DLC1: variants seen among roughly 807,000 people sequenced by gnomAD.
DLC1 encodes the protein rho GTPase-activating protein 7.
DLC1 carries 54 observed loss-of-function variants against 140.3 expected under a neutral mutation model. The observed-to-expected ratio is 0.38, with a 90% confidence interval of 0.31 to 0.48. The LOEUF (loss-of-function observed/expected upper bound fraction) is 0.48. DLC1 is among the 20% of genes least tolerant of loss of function. The pLI is 0.96. For synonymous variants in DLC1, 986 were observed against 728.1 expected, an observed-to-expected ratio of 1.35 and a Z score of -5.70; for missense variants, 2,536 against 1,907.0, an observed-to-expected ratio of 1.33 and a Z score of -6.14.
intron 2 of DLC1, among the ~76,000 whole-genome samples, chr8:13,482,686 G>A (rs533339438): frequency 2.6e-5 from 4 of 152,170 alleles, no homozygotes; most frequent in African/African-American, 9.7e-5. Flanking sequence ...ATAGCCTGAC[G>A]TGATTACGCG....
At position 13,255,123 on chromosome 8, in the gene DLC1, C is replaced by T. The variant is rs1010121677; in HGVS notation, c.1348+50146G>A. ...TCCCCAGTAGCTGGGATTACAGGTG[C>T]GTGCCACCACGCCCAGCTAACTTTT... On this transcript the variant is annotated intron_variant, in intron 5 of 17. Transcript: ENST00000276297. 5.3e-5 allele frequency among the ~76,000 whole-genome samples: 8 copies of T among 151,972 alleles called. No homozygotes were observed. In the East Asian group the frequency reaches 7.8e-4, roughly 15 times the overall value.
chr8:13,127,900 C>A (rs1821720426), intron 5 of DLC1, among the ~76,000 whole-genome samples: 1 of 152,364 alleles, frequency 6.6e-6, no homozygotes, highest in East Asian at 1.9e-4. Flanking sequence ...TCTGAGGACT[C>A]AGCTTCACTG....
At chr8:13,415,905 A>G (rs1381950794) in intron 2 of DLC1, among the ~76,000 whole-genome samples, 1 of 152,162 alleles carries the variant, frequency 6.6e-6, no homozygotes, top group African/African-American at 2.4e-5. Context: ...AGTCCAACTG[A>G]TGTTCTTGTA....
intron 5 of DLC1, among the ~76,000 whole-genome samples, chr8:13,283,293 A>AAC (rs58438325): frequency 0.12 from 17,444 of 144,988 alleles, 1,020 homozygotes; most frequent in Middle Eastern, 0.18. Flanking sequence ...ATCCTACTGA[A>AAC]ACACACACAC....
intron 2 of DLC1, among the ~76,000 whole-genome samples, chr8:13,466,204 A>G (rs148599735): frequency 6.0e-4 from 92 of 152,212 alleles, no homozygotes; most frequent in Non-Finnish European, 1.0e-3. Flanking sequence ...GGGCCCCAAT[A>G]AAGGCCATCA....
intron 2 of DLC1, among the ~76,000 whole-genome samples, chr8:13,435,445 C>T (rs955948021): frequency 2.6e-5 from 4 of 152,162 alleles, no homozygotes; most frequent in African/African-American, 9.7e-5. Flanking sequence ...TCCCGAGTAG[C>T]TGGGATTACA....
chr8:13,158,096 T>A (rs1359148623), intron 5 of DLC1, among the ~76,000 whole-genome samples: 1 of 152,218 alleles, frequency 6.6e-6, no homozygotes, highest in Non-Finnish European at 1.5e-5. Context: ...AAGACAGCTT[T>A]TTTTATATAT....
Position 13,123,557 on chromosome 8 carries a change from A to T in DLC1, c.1349-7900T>A, listed in dbSNP as rs143444487. Among the ~76,000 whole-genome samples the T allele has an allele frequency of 8.1e-3, 1,209 of 148,858 alleles. 10 individuals carry two copies. Among genetic ancestry groups the T allele is most frequent in the Middle Eastern group, 0.01 (3 of 292 alleles). On this transcript the variant is annotated intron_variant, in intron 5 of 17. Transcript: ENST00000276297. ...AACACATGGTTTCACCGTGGTGGTC[A>T]GGCTGGTTTCGAATTCCTGACCTCA...
At chr8:13,139,183 G>A (rs1262447804) in intron 5 of DLC1, among the ~76,000 whole-genome samples, 1 of 148,652 alleles carries the variant, frequency 6.7e-6, no homozygotes, top group African/African-American at 2.5e-5. Flanking sequence ...CCAGCTACTT[G>A]GGAGGCTGAG....
At chr8:13,088,760 G>C in intron 15 of DLC1, 56 bp from the exon 16 acceptor site, 2 of 1,533,578 alleles carry the variant, frequency 1.3e-6, no homozygotes, top group African/African-American at 1.4e-5. Context: ...CCTAGTTTTT[G>C]AAGTCGAATT....
At chr8:13,372,268 A>T (rs144705813) in intron 4 of DLC1, among the ~76,000 whole-genome samples, 240 of 152,304 alleles carry the variant, frequency 1.6e-3, no homozygotes, top group African/African-American at 5.3e-3. Context: ...TCAGAAAATC[A>T]CGAGCCAAAG....
At chr8:13,202,824 C>T (rs1391132058) in intron 5 of DLC1, among the ~76,000 whole-genome samples, 3 of 152,044 alleles carry the variant, frequency 2.0e-5, no homozygotes, top group African/African-American at 7.2e-5. Context: ...CAGGCATGCA[C>T]CTCTGTGTCT....
Position 13,401,582 on chromosome 8 carries a change from G to C in DLC1, c.1061C>G (p.Ser354Cys). 6.2e-7 allele frequency: 1 copy of C among 1,613,800 alleles called. No homozygotes were observed. The highest frequency in any genetic ancestry group is 8.5e-7 in the Non-Finnish European group (1 of 1,179,980). Residue 354 changes from serine to cysteine, a missense_variant, in exon 3 of 18, where the codon TCC becomes TGC. Ser to Cys is a moderately radical substitution (Grantham distance 112). Coordinates refer to ENST00000276297, the MANE Select transcript of DLC1 (RefSeq NM_182643.3). ...REDRDRARLD[S>C]MVLLIMKLDQ... The stretch of plus-strand genomic sequence containing the variant: ...CAGTTTCATAATCAGCAGCACCATG[G>C]AGTCCAGCCGCGCCCTATCTCGATC...
At chr8:13,350,311 T>G (rs1031236603) in intron 4 of DLC1, among the ~76,000 whole-genome samples, 2 of 152,318 alleles carry the variant, frequency 1.3e-5, no homozygotes, top group East Asian at 3.9e-4. Context: ...CATTTTTTTT[T>G]TTGTTCTTTG....
chr8:13,568,229 C>T, intron 1 of DLC1: 1 of 297,394 alleles, frequency 3.4e-6, no homozygotes, highest in Non-Finnish European at 6.6e-6. Flanking sequence ...AAAGTAATAA[C>T]TGTCTTTGGC....
At chr8:13,281,317 GT>G (rs774260151) in intron 5 of DLC1, among the ~76,000 whole-genome samples, 34 of 152,170 alleles carry the variant, frequency 2.2e-4, no homozygotes, top group Non-Finnish European at 4.4e-4. Context: ...TGACCAAAGG[GT>G]CAAATCAAGG....
rs190410461 is a variant in DLC1, at chr8:13,541,285, A to G, written c.-125-41089T>C. ...CATTCACATACAAGTCTTTGTGCAA[A>G]GATGTGTTTTCTTTCTCTTAAGTAA... On this transcript the variant is annotated intron_variant, in intron 1 of 1. Coordinates refer to the DLC1 transcript ENST00000631382. Among the ~76,000 whole-genome samples, 38 of 150,264 alleles carry G rather than the reference A, an allele frequency of 2.5e-4. No individual in the cohort carries two copies. In the East Asian group the frequency reaches 2.9e-3, roughly 11 times the overall value.
chr8:13,222,105 G>C (rs1477881900), intron 5 of DLC1, among the ~76,000 whole-genome samples: 4 of 151,332 alleles, frequency 2.6e-5, no homozygotes, highest in Non-Finnish European at 5.9e-5. Flanking sequence ...CAATTCATGT[G>C]TATTTGGCAA....
At chr8:13,371,506 C>G (rs1005773642) in intron 4 of DLC1, among the ~76,000 whole-genome samples, 1 of 151,912 alleles carries the variant, frequency 6.6e-6, no homozygotes, top group Non-Finnish European at 1.5e-5. Context: ...GTCCATGTAC[C>G]TTTGACAATT....
Sources: allele counts gnomAD v4.1 joint callset (sites outside exome capture counted in the v4.1 genomes callset), GRCh38; gene constraint gnomAD v4.1.1; transcripts MANE v1.5; gene names NCBI Gene and HGNC (gene_info 2026-07-23, HGNC 2026-07-21).